The following POLR3E variants were observed in gnomAD, a reference collection of about 807,000 sequenced individuals.
The protein encoded by POLR3E is RNA polymerase III subunit E.
A neutral mutation model predicts 96.6 loss-of-function variants in POLR3E; 41 were observed. The ratio of observed to expected loss-of-function variants is 0.42; its 90% CI spans 0.33 to 0.55. POLR3E has a LOEUF of 0.55. Among genes scored for constraint, POLR3E ranks in the 20% least tolerant of loss-of-function variants. The pLI is 0.06. For missense variants in POLR3E, 849 were observed against 952.1 expected (o/e 0.89, Z 1.43); for synonymous variants, 396 against 383.6 (o/e 1.03, Z -0.38).
chr16:22,308,048 G>C, intron 3 of POLR3E, 100 bp from the exon 4 acceptor site: 1 of 842,430 alleles, frequency 1.2e-6, no homozygotes, highest in Non-Finnish European at 2.0e-6. Flanking sequence ...GCCAGTCTCT[G>C]CTTGGGGTGG....
chr16:22,314,275 AC>A, intron 8 of POLR3E, 147 bp downstream of exon 8: 2 of 668,128 alleles, frequency 3.0e-6, no homozygotes, highest in Non-Finnish European at 5.4e-6. Context: ...GGAGGGAACA[AC>A]CTGAGTTGTT....
Position 22,316,591 on chromosome 16 carries a change from C to T in POLR3E, c.643-10C>T. 1 of 1,611,508 alleles carries T rather than the reference C, an allele frequency of 6.2e-7. No homozygotes were observed. The highest frequency in any genetic ancestry group is 1.1e-5 in the South Asian group (1 of 90,998). On this transcript the variant is annotated splice_polypyrimidine_tract_variant and intron_variant, in intron 9 of 20. Transcript: ENST00000299853. ...TGAGGCTCCTCTCACACCCTGCCCT[C>T]CTCCAACAGGACAGTCGCTCTGAGC...
intron 2 of POLR3E, among the ~76,000 whole-genome samples, chr16:22,303,297 G>A (rs1344201943): frequency 3.9e-5 from 6 of 152,054 alleles, no homozygotes; most frequent in Admixed American, 2.6e-4. Flanking sequence ...TTACCTTGGC[G>A]GTAACTCATA....
intron 20 of POLR3E, among the ~76,000 whole-genome samples, chr16:22,332,631 C>T (rs942693265): frequency 2.0e-5 from 3 of 152,060 alleles, no homozygotes; most frequent in African/African-American, 7.2e-5. Flanking sequence ...AATGATAGGG[C>T]CTAGTTGAGA....
In POLR3E at chr16:22,313,153, T is replaced by G. The variant is rs1393700304; in HGVS notation, c.365-467T>G. Reference sequence around the variant, plus strand: ...TCTTCTCCAGCCACAGTGGCACTAGTGGACTTCCTAGTGGAACGGGTGGGA... The same window carrying G: ...TCTTCTCCAGCCACAGTGGCACTAGGGGACTTCCTAGTGGAACGGGTGGGA... On this transcript the variant is annotated intron_variant, in intron 6 of 20. Coordinates refer to ENST00000299853, the MANE Select transcript of POLR3E (RefSeq NM_018119.4). This position sits in a 1 kb window ranked among gnomAD's most constrained non-coding sequence, Gnocchi z 4.1. Among the ~76,000 whole-genome samples, 1 of 152,048 alleles carries G rather than the reference T, an allele frequency of 6.6e-6. No homozygotes were observed. Among genetic ancestry groups the G allele is most frequent in the Non-Finnish European group, 1.5e-5 (1 of 68,014 alleles).
Position 22,324,358 on chromosome 16 carries a change from G to A in POLR3E, c.1073G>A (p.Trp358Ter). The change falls in exon 15 of 21, where the codon TGG becomes TAG. Residue 358 changes from tryptophan (W) to a stop codon, truncating the protein, a stop_gained. Coordinates refer to ENST00000299853, the MANE Select transcript of POLR3E (RefSeq NM_018119.4). LOFTEE classifies it high-confidence loss of function. Reference sequence around the variant, plus strand: ...GTGCTGCTTCTTCTCCCTCAGATGTGGAAGTTCACGCAGAGCCGCTGGGTG... The same window carrying A: ...GTGCTGCTTCTTCTCCCTCAGATGTAGAAGTTCACGCAGAGCCGCTGGGTG... ...VLCRGRDFVM[W>*]KFTQSRWVVR... 1.9e-6 allele frequency: 3 copies of A among 1,612,664 alleles called. No individual in the cohort carries two copies. The highest frequency in any genetic ancestry group is 2.5e-6 in the Non-Finnish European group (3 of 1,179,592).
At position 22,324,523 on chromosome 16, in the gene POLR3E, G is replaced by A. The variant is rs2048537975; in HGVS notation, c.1149G>A (p.Lys383=). 6.8e-6 allele frequency: 11 copies of A among 1,612,490 alleles called. No homozygotes were observed. The highest frequency in any genetic ancestry group is 9.3e-6 in the Non-Finnish European group (11 of 1,179,326). Residue 383 remains lysine, a synonymous_variant, in exon 16 of 21, where the codon AAG becomes AAA. Transcript: ENST00000299853. The part of the protein sequence containing the change: ...TVTKLCAEDV[K]DFLEHMAVVR... ...TCCAGCTCTGCGCCGAGGATGTGAA[G>A]GACTTCCTGGAGCACATGGCCGTGG... is the stretch of plus-strand genomic sequence containing the variant.
At chr16:22,323,505 C>G (rs746507083) in intron 14 of POLR3E, among the ~76,000 whole-genome samples, 1 of 152,142 alleles carries the variant, frequency 6.6e-6, no homozygotes, top group African/African-American at 2.4e-5. Context: ...CTGGCTGAAA[C>G]GTGCTGCCCA....
Position 22,322,622 on chromosome 16 carries a change from C to T in POLR3E, c.987-228C>T, listed in dbSNP as rs926962245. On this transcript the variant is annotated intron_variant, in intron 13 of 20. Coordinates refer to ENST00000299853, the MANE Select transcript of POLR3E (RefSeq NM_018119.4). This position sits in a 1 kb window ranked among gnomAD's most constrained non-coding sequence, Gnocchi z 5.2. ...CTTAGGATGAGGCTGGTGTGCATGG[C>T]GGGTTGAGGGGTAATAAGAGGAAGA... Among the ~76,000 whole-genome samples, 3 of 151,684 alleles carry T rather than the reference C, an allele frequency of 2.0e-5. No homozygotes were observed. Among genetic ancestry groups the T allele is most frequent in the African/African-American group, 7.3e-5 (3 of 41,228 alleles).
Position 22,325,898 on chromosome 16 carries a change from C to T in POLR3E, c.1486C>T (p.Arg496Trp), listed in dbSNP as rs751395979. The T allele has an allele frequency of 5.0e-6, 8 of 1,606,642 alleles. No individual in the cohort carries two copies. Among genetic ancestry groups the T allele is most frequent in the African/African-American group, 4.0e-5 (3 of 74,754 alleles). ...GGTGCCTGCGGTCCCGCCCGGTGTG[C>T]GGATCAAGGAGGAGCCCGTGAGCGA... ...LRVPAVPPGV[R>W]IKEEPVSEEG... Residue 496 changes from arginine to tryptophan, a missense_variant, in exon 18 of 21, where the codon CGG (arginine) becomes TGG (tryptophan). Transcript: ENST00000299853.
At chr16:22,314,992 C>G in intron 8 of POLR3E, 97 bp from the exon 9 acceptor site, 1 of 1,307,778 alleles carries the variant, frequency 7.6e-7, no homozygotes, top group East Asian at 2.4e-5. Flanking sequence ...TGGAAAACCC[C>G]TATACGGAGT....
chr16:22,318,333 A>T lies in POLR3E; in HGVS notation c.866-493A>T, dbSNP rs1054675759. ...AGTCTCAAATTCCTGGCCTCAAGTG[A>T]TCTGCCTCCCTCGGCCTCCCAAAGT... On this transcript the variant is annotated intron_variant, in intron 12 of 20. Transcript: ENST00000299853. This position sits in a 1 kb window ranked among gnomAD's most constrained non-coding sequence, Gnocchi z 5.0. Among the ~76,000 whole-genome samples, 3 of 152,132 alleles carry T rather than the reference A, an allele frequency of 2.0e-5. No individual in the cohort carries two copies. The highest frequency in any genetic ancestry group is 7.2e-5 in the African/African-American group (3 of 41,426).
rs1055212090 is a variant in POLR3E, at chr16:22,334,890, A to G, written c.*1190A>G. 3 of 152,174 alleles carry G rather than the reference A, an allele frequency of 2.0e-5. No homozygotes were observed. Among genetic ancestry groups the G allele is most frequent in the Non-Finnish European group, 2.9e-5 (2 of 68,036 alleles). 9.4% of individuals were successfully genotyped at this position (152,174 alleles called of 1,614,324 possible). ...ATCTTTTTTGTACAACACAGTCACT[A>G]ATTGTCTGAAGGTTTAAATGACGGT... On this transcript the variant is annotated 3_prime_UTR_variant, in exon 21 of 21. Transcript: ENST00000299853.
chr16:22,316,849 C>T lies in POLR3E; in HGVS notation c.729-146C>T, dbSNP rs553354357. ...GAGGGTGGGCCTGGAAAGAGATGGT[C>T]CACTTTTCTGCAGGGGCTCAGGGCT... is the stretch of plus-strand genomic sequence containing the variant. On this transcript the variant is annotated intron_variant, in intron 10 of 20. Transcript: ENST00000299853. 1,204 of 989,826 alleles carry T rather than the reference C, an allele frequency of 1.2e-3. 1 individual carries two copies. Among genetic ancestry groups the T allele is most frequent in the Non-Finnish European group, 1.7e-3 (1,037 of 626,796 alleles). 61.3% of individuals were successfully genotyped at this position (989,826 alleles called of 1,614,324 possible). A position where few individuals can be genotyped will look rare whatever the true frequency, so the allele number is the denominator to read the frequency against.
At chr16:22,309,295 C>A in intron 5 of POLR3E, 133 bp from the exon 6 acceptor site, 1 of 782,030 alleles carries the variant, frequency 1.3e-6, no homozygotes, top group Non-Finnish European at 2.3e-6. Flanking sequence ...CTGAGACCCG[C>A]GTAGGCTGCC....
At position 22,315,338 on chromosome 16, in the gene POLR3E, C is replaced by T. The variant is rs1007247764; in HGVS notation, c.642+130C>T. The stretch of plus-strand genomic sequence containing the variant: ...ATAGCCACAGATAGAGGATCGAGTC[C>T]TGTGGGCAGTTTACACTTCACTCCA... On this transcript the variant is annotated intron_variant, in intron 9 of 20. Transcript: ENST00000299853. 1.2e-5 allele frequency: 12 copies of T among 1,009,774 alleles called. No homozygotes were observed. In the African/African-American group the frequency reaches 1.3e-4, roughly 11 times the overall value. The allele number at this position is 1,009,774 out of a possible 1,614,324, so 62.6% of individuals were successfully genotyped here. A position where few individuals can be genotyped will look rare whatever the true frequency, so the allele number is the denominator to read the frequency against.
At chr16:22,308,113 CA>C (rs2048171869) in intron 3 of POLR3E, 34 bp from the exon 4 acceptor site, 3 of 1,536,122 alleles carry the variant, frequency 2.0e-6, no homozygotes, top group Non-Finnish European at 2.7e-6. Context: ...CATGGCTGGG[CA>C]GAGTGGACTT....
chr16:22,299,290 G>A (rs1001760094), intron 1 of POLR3E, among the ~76,000 whole-genome samples: 1 of 152,158 alleles, frequency 6.6e-6, no homozygotes, highest in Non-Finnish European at 1.5e-5. Flanking sequence ...CCTGGATGGT[G>A]AGGGGAAGAC....
intron 14 of POLR3E, among the ~76,000 whole-genome samples, chr16:22,323,909 G>C (rs2048521534): frequency 6.6e-6 from 1 of 152,210 alleles, no homozygotes; most frequent in Non-Finnish European, 1.5e-5. Context: ...CAGAGTGCAG[G>C]GGAGCTGTTG....
Sources: allele counts gnomAD v4.1 joint callset (sites outside exome capture counted in the v4.1 genomes callset), GRCh38; gene constraint gnomAD v4.1.1; non-coding constraint Gnocchi (gnomAD v3.1); transcripts MANE v1.5; gene names NCBI Gene and HGNC (gene_info 2026-07-23, HGNC 2026-07-21).